MDGA2: variants seen among roughly 807,000 people sequenced by gnomAD.
MDGA2 encodes MAM domain containing glycosylphosphatidylinositol anchor 2.
Under a neutral mutation model 117.8 loss-of-function variants are expected in MDGA2, and 40 were observed. That is an observed-to-expected ratio of 0.34 (90% CI 0.26 to 0.44). The LOEUF (loss-of-function observed/expected upper bound fraction) is 0.44, where lower values mean the gene tolerates loss of function less well. Among genes scored for constraint, MDGA2 ranks in the 20% least tolerant of loss-of-function variants. MDGA2 has a pLI of 1.00. For synonymous variants in MDGA2, 452 were observed against 439.0 expected, an observed-to-expected ratio of 1.03 and a Z score of -0.37; for missense variants, 1,123 against 1,250.6, an observed-to-expected ratio of 0.90 and a Z score of 1.54.
chr14:47,021,663 AG>A (rs1395190639), intron 8 of MDGA2, among the ~76,000 whole-genome samples: 1 of 152,072 alleles, frequency 6.6e-6, no homozygotes, highest in Non-Finnish European at 1.5e-5. Context: ...CAATTAATAG[AG>A]TATGGTTTCT....
At chr14:47,134,298 T>G (rs1882349088) in intron 4 of MDGA2, among the ~76,000 whole-genome samples, 1 of 152,052 alleles carries the variant, frequency 6.6e-6, no homozygotes, top group Non-Finnish European at 1.5e-5. Flanking sequence ...TTAATAGTAC[T>G]GTAACTACCC....
At chr14:47,005,090 T>C (rs1369091179) in intron 8 of MDGA2, among the ~76,000 whole-genome samples, 2 of 151,644 alleles carry the variant, frequency 1.3e-5, no homozygotes, top group African/African-American at 2.4e-5. Flanking sequence ...ATGCGATTTA[T>C]GTTTTTTCCT....
At chr14:47,475,900 T>TCATGTTTGTCATGTTTGA (rs1429162710) in intron 1 of MDGA2, among the ~76,000 whole-genome samples, 2 of 152,142 alleles carry the variant, frequency 1.3e-5, no homozygotes, top group African/African-American at 4.8e-5. Context: ...TGATCATATA[T>TCATGTTTGTCATGTTTGA]CATGTTTGTC....
chr14:46,953,612 T>C (rs1885449026), intron 9 of MDGA2, among the ~76,000 whole-genome samples: 1 of 147,630 alleles, frequency 6.8e-6, no homozygotes, highest in Non-Finnish European at 1.5e-5. Flanking sequence ...AAACTATGCT[T>C]TTTTTCACAT....
intron 1 of MDGA2, among the ~76,000 whole-genome samples, chr14:47,306,835 G>A (rs965752729): frequency 6.5e-5 from 5 of 76,714 alleles, no homozygotes; most frequent in Admixed American, 1.9e-4. Context: ...CAGAGAAAGA[G>A]AAAGAGGGAG....
At chr14:46,854,502 A>G (rs1047879304) in intron 15 of MDGA2, among the ~76,000 whole-genome samples, 1 of 151,726 alleles carries the variant, frequency 6.6e-6, no homozygotes, top group Non-Finnish European at 1.5e-5. Flanking sequence ...TCTCTTAGCT[A>G]ACTCTCTAAG....
chr14:47,413,235 G>C (rs908234741), intron 1 of MDGA2, among the ~76,000 whole-genome samples: 6 of 152,290 alleles, frequency 3.9e-5, no homozygotes, highest in African/African-American at 1.4e-4. Context: ...ATCAAGGAAA[G>C]CACATGCTTT....
At chr14:47,465,484 A>G (rs74563218) in intron 1 of MDGA2, among the ~76,000 whole-genome samples, 8 of 152,152 alleles carry the variant, frequency 5.3e-5, no homozygotes, top group Non-Finnish European at 1.2e-4. Flanking sequence ...ATTTACAAGA[A>G]AAAAAACAAA....
chr14:46,955,973 A>G (rs2033542097), intron 9 of MDGA2, among the ~76,000 whole-genome samples: 2 of 152,104 alleles, frequency 1.3e-5, no homozygotes, highest in African/African-American at 2.4e-5. Context: ...CATAAGGAAT[A>G]CTAATCCTGA....
chr14:47,497,798 A>G (rs920876439), intron 1 of MDGA2, among the ~76,000 whole-genome samples: 8 of 152,176 alleles, frequency 5.3e-5, no homozygotes, highest in African/African-American at 1.9e-4. Context: ...TTTTCCCTTT[A>G]TAACTACTTT....
chr14:47,646,899 TG>T (rs2138259947), intron 1 of MDGA2, among the ~76,000 whole-genome samples: 1 of 152,206 alleles, frequency 6.6e-6, no homozygotes, highest in Non-Finnish European at 1.5e-5. Flanking sequence ...GTGCTTTGTG[TG>T]ATTAATATCT....
In MDGA2 at chr14:46,926,725, G is replaced by C. The variant is rs1595049178; in HGVS notation, c.2090-6565C>G. On this transcript the variant is annotated intron_variant, in intron 9 of 16. Transcript: ENST00000399232. ...AGAAAAAAATGTTGCTACAGAAACA[G>C]GCATTTTTCTAAATGTTTAATCAGG... 3.3e-5 allele frequency among the ~76,000 whole-genome samples: 5 copies of C among 152,136 alleles called. No homozygotes were observed. The South Asian group carries it at 1.0e-3, about 32-fold the overall frequency.
chr14:47,674,681 C>G lies in MDGA2; in HGVS notation c.116G>C (p.Arg39Pro). The change falls in exon 1 of 17, where the codon CGG becomes CCG. Residue 39 changes from arginine (R) to proline (P), a missense_variant. Transcript: ENST00000399232. The stretch of plus-strand genomic sequence containing the variant: ...CAGCCAGGCGCGCTCCACTCGCGCC[C>G]GGGCCAAGCCGAGGTGCCCGGGAAC... ...RAVPGHLGLA[R>P]ARVERAWLAA... 1 of 1,232,592 alleles carries G rather than the reference C, an allele frequency of 8.1e-7. No individual in the cohort carries two copies. Among genetic ancestry groups the G allele is most frequent in the South Asian group, 1.3e-5 (1 of 77,604 alleles). 76.4% of individuals were successfully genotyped at this position (1,232,592 alleles called of 1,614,324 possible).
At chr14:47,190,000 T>C (rs894943228) in intron 3 of MDGA2, among the ~76,000 whole-genome samples, 1 of 152,170 alleles carries the variant, frequency 6.6e-6, no homozygotes, top group African/African-American at 2.4e-5. Context: ...CCATCATTTG[T>C]CTCATTTATC....
At chr14:47,254,829 T>C (rs1887564237) in intron 2 of MDGA2, among the ~76,000 whole-genome samples, 1 of 152,146 alleles carries the variant, frequency 6.6e-6, no homozygotes, top group African/African-American at 2.4e-5. Flanking sequence ...GGAAAGAGGC[T>C]TGGGTGGGAG....
chr14:47,099,652 A>ACT (rs1880185844), intron 5 of MDGA2, among the ~76,000 whole-genome samples: 1 of 151,910 alleles, frequency 6.6e-6, no homozygotes, highest in Admixed American at 6.6e-5. Flanking sequence ...TGTGATAGTT[A>ACT]AGTGGTAAGA....
intron 3 of MDGA2, among the ~76,000 whole-genome samples, chr14:47,181,506 G>A (rs569743770): frequency 1.2e-4 from 18 of 152,296 alleles, no homozygotes; most frequent in South Asian, 2.1e-4. Context: ...AGCCATCATC[G>A]TCAGCAAATT....
intron 15 of MDGA2, among the ~76,000 whole-genome samples, chr14:46,852,485 A>ATACCAG (rs1283565355): frequency 6.6e-6 from 1 of 151,868 alleles, no homozygotes; most frequent in African/African-American, 2.4e-5. Context: ...TACCAGAGAA[A>ATACCAG]AACAGTGGCA....
intron 1 of MDGA2, among the ~76,000 whole-genome samples, chr14:47,576,149 T>C (rs971325609): frequency 1.3e-5 from 2 of 152,210 alleles, no homozygotes; most frequent in African/African-American, 4.8e-5. Context: ...AAACAGATTT[T>C]CTAACTTAAT....
Sources: gnomAD v4.1 joint callset for allele counts (sites outside exome capture counted in the v4.1 genomes callset) on GRCh38, gnomAD v4.1.1 for gene constraint, MANE v1.5 for transcripts, NCBI Gene and HGNC (gene_info 2026-07-23, HGNC 2026-07-21) for gene names.